Variants in KLF13 observed in about 807,000 individuals in gnomAD.
The protein encoded by KLF13 is KLF transcription factor 13, also known as Krueppel-like factor 13.
A neutral mutation model predicts 16.7 loss-of-function variants in KLF13; 8 were observed. That is an observed-to-expected ratio of 0.48 (90% CI 0.28 to 0.87). KLF13 has a LOEUF of 0.87. Ranked by LOEUF, KLF13 falls within the 40% of genes least tolerant of loss-of-function variation. KLF13 has a pLI of 0.10. For synonymous variants in KLF13, 245 were observed against 208.4 expected (o/e 1.18, Z -1.51); for missense variants, 447 against 452.2 (o/e 0.99, Z 0.10).
Position 31,327,356 on chromosome 15 carries a change from C to A in KLF13, c.144C>A (p.Arg48=), listed in dbSNP as rs765982303. 6 of 1,275,286 alleles carry A rather than the reference C, an allele frequency of 4.7e-6. No individual in the cohort carries two copies. In the South Asian group the frequency reaches 1.1e-4, roughly 24 times the overall value. 79.0% of individuals were successfully genotyped at this position (1,275,286 alleles called of 1,614,324 possible). ...TGGCCGCCACCCCCACGCTGCCCCG[C>A]GTCGAGGAGCGCCGCGACGGTAAGG... ...AAVAATPTLP[R]VEERRDGKDS... is the part of the protein sequence containing the mutation. Residue 48 remains arginine, a synonymous_variant, in exon 1 of 2, where the codon CGC becomes CGA. Coordinates refer to ENST00000307145, the MANE Select transcript of KLF13 (RefSeq NM_015995.4).
chr15:31,360,155 G>T (rs762853822), intron 1 of KLF13, among the ~76,000 whole-genome samples: 1 of 152,230 alleles, frequency 6.6e-6, no homozygotes, highest in African/African-American at 2.4e-5. Context: ...TTCCCGGCTG[G>T]TGTCCCTGGG....
Position 31,327,342 on chromosome 15 carries a change from C to T in KLF13, c.130C>T (p.Pro44Ser). Reference sequence around the variant, plus strand: ...CGAGGGCGCGGCCGTGGCCGCCACCCCCACGCTGCCCCGCGTCGAGGAGCG... The same window carrying T: ...CGAGGGCGCGGCCGTGGCCGCCACCTCCACGCTGCCCCGCGTCGAGGAGCG... ...RPEGAAVAAT[P>S]TLPRVEERRD... The change falls in exon 1 of 2, where the codon CCC (proline) becomes TCC (serine). Residue 44 changes from proline (P) to serine (S), a missense_variant. Transcript: ENST00000307145. 7.8e-7 allele frequency: 1 copy of T among 1,276,346 alleles called. No individual in the cohort carries two copies. The highest frequency in any genetic ancestry group is 2.4e-5 in the South Asian group (1 of 41,966). The allele number at this position is 1,276,346 out of a possible 1,614,324, so 79.1% of individuals were successfully genotyped here. A position where few individuals can be genotyped will look rare whatever the true frequency, so the allele number is the denominator to read the frequency against.
intron 1 of KLF13, among the ~76,000 whole-genome samples, chr15:31,424,934 G>A (rs1254034923): frequency 7.1e-6 from 1 of 140,918 alleles, no homozygotes; most frequent in Non-Finnish European, 1.5e-5. Flanking sequence ...AACAAATTTA[G>A]CAAAGTTGCA....
chr15:31,371,978 C>T lies in KLF13; in HGVS notation c.578-32C>T, dbSNP rs769637284. 4.2e-5 allele frequency: 66 copies of T among 1,564,394 alleles called. 1 individual carries two copies. Among genetic ancestry groups the T allele is most frequent in the South Asian group, 9.3e-5 (8 of 85,840 alleles). ...GAGGGTGTGAAGGCGGGGCCAGGTG[C>T]GGATACTGATGCTCTGCCCCTGTGC... On this transcript the variant is annotated intron_variant, in intron 1 of 1. Coordinates refer to ENST00000307145, the MANE Select transcript of KLF13 (RefSeq NM_015995.4).
intron 1 of KLF13, among the ~76,000 whole-genome samples, chr15:31,335,203 C>G (rs556425961): frequency 5.3e-5 from 8 of 152,198 alleles, no homozygotes; most frequent in South Asian, 2.1e-4. Context: ...ATCTTAGGTC[C>G]GTCTTCATCC....
At chr15:31,421,537 T>C (rs2040323534) in intron 1 of KLF13, among the ~76,000 whole-genome samples, 1 of 152,182 alleles carries the variant, frequency 6.6e-6, no homozygotes, top group Non-Finnish European at 1.5e-5. Flanking sequence ...AAATTTTTTA[T>C]GTAATTGATA....
chr15:31,352,117 T>G (rs563034788), intron 1 of KLF13, among the ~76,000 whole-genome samples: 16 of 152,204 alleles, frequency 1.1e-4, no homozygotes, highest in African/African-American at 3.6e-4. Context: ...TGAACAAAAG[T>G]CACTGTTGGA....
intron 1 of KLF13, chr15:31,420,469 C>A: frequency 1.3e-6 from 1 of 769,606 alleles, no homozygotes; most frequent in Non-Finnish European, 2.3e-6. Flanking sequence ...GTAACATATG[C>A]CTGGATATCT....
chr15:31,428,065 A>G (rs989598988), intron 1 of KLF13, among the ~76,000 whole-genome samples: 8 of 152,230 alleles, frequency 5.3e-5, no homozygotes, highest in African/African-American at 1.9e-4. Context: ...TTATACTACA[A>G]CATCCATGAA....
intron 1 of KLF13, among the ~76,000 whole-genome samples, chr15:31,358,714 G>C (rs2039337569): frequency 6.6e-6 from 1 of 152,188 alleles, no homozygotes. Context: ...TGTAATTGTG[G>C]ATTCCAACCT....
Position 31,327,485 on chromosome 15 carries a change from G to A in KLF13, c.273G>A (p.Lys91=), listed in dbSNP as rs1283050890. 6.7e-6 allele frequency: 8 copies of A among 1,197,272 alleles called. No homozygotes were observed. Among genetic ancestry groups the A allele is most frequent in the Admixed American group, 4.6e-5 (1 of 21,782 alleles). 74.2% of individuals were successfully genotyped at this position (1,197,272 alleles called of 1,614,324 possible). Residue 91 remains lysine, a synonymous_variant, in exon 1 of 2, where the codon AAG becomes AAA. Transcript: ENST00000307145. The stretch of plus-strand genomic sequence containing the variant: ...GCAGGGAGGGCGCCGCGGCCCGGAA[G>A]GCGAGGACCCCCTGCCGCCTGCCGC... The part of the protein sequence containing the change: ...AERREGAAAR[K]ARTPCRLPPP...
intron 1 of KLF13, among the ~76,000 whole-genome samples, chr15:31,354,066 G>A (rs12592176): frequency 0.42 from 64,539 of 152,132 alleles, 14,627 homozygotes; most frequent in East Asian, 0.56. Context: ...GCGTCAGTGT[G>A]GAGGCCTCAG....
chr15:31,364,076 C>T (rs1476780126), intron 1 of KLF13, among the ~76,000 whole-genome samples: 2 of 140,794 alleles, frequency 1.4e-5, no homozygotes, highest in Middle Eastern at 3.2e-3. Flanking sequence ...TGCTGGGCTT[C>T]ACTGGCCAGT....
At chr15:31,358,054 C>T (rs571491721) in intron 1 of KLF13, among the ~76,000 whole-genome samples, 3 of 152,254 alleles carry the variant, frequency 2.0e-5, no homozygotes, top group East Asian at 1.9e-4. Context: ...TGGTCCAGTG[C>T]AGGAGGCGTG....
downstream of KLF13, among the ~76,000 whole-genome samples, chr15:31,406,108 T>C (rs2040125777): frequency 6.6e-6 from 1 of 152,058 alleles, no homozygotes; most frequent in Non-Finnish European, 1.5e-5. Flanking sequence ...CTTCCCAGAC[T>C]GTAGGGCAAG....
intron 1 of KLF13, among the ~76,000 whole-genome samples, chr15:31,343,715 T>G (rs577599004): frequency 5.3e-5 from 8 of 152,338 alleles, no homozygotes. Context: ...GCTGGCCAGC[T>G]CTGGCTTTCC....
rs778732073 is a variant in KLF13 at position 31,372,226 on chromosome 15, G to T, written c.794G>T (p.Arg265Leu). The T allele has an allele frequency of 2.5e-6, 4 of 1,593,194 alleles. No individual in the cohort carries two copies. The highest frequency in any genetic ancestry group is 2.6e-6 in the Non-Finnish European group (3 of 1,174,100). Reference protein sequence around the residue: ...GMLQRRGGGSRTGSLSDYSRS... With the variant: ...GMLQRRGGGSLTGSLSDYSRS... The stretch of plus-strand genomic sequence containing the variant: ...CTGCAGCGGCGCGGCGGGGGCTCGC[G>T]GACCGGCTCCCTCAGCGACTACAGC... The change falls in exon 2 of 2, where the codon CGG (arginine) becomes CTG (leucine). Residue 265 changes from arginine (R) to leucine (L), a missense_variant. By Grantham distance (102) the Arg-to-Leu change is moderately radical. Around this residue, in one of 2 missense-constraint regions of KLF13, gnomAD observed 88 missense variants for 169.5 expected, o/e 0.52. Transcript: ENST00000307145.
chr15:31,358,416 A>G (rs2039333409), intron 1 of KLF13, among the ~76,000 whole-genome samples: 1 of 152,242 alleles, frequency 6.6e-6, no homozygotes, highest in African/African-American at 2.4e-5. Context: ...ACCAGCATTT[A>G]GTATTGTCAG....
intron 1 of KLF13, among the ~76,000 whole-genome samples, chr15:31,335,369 A>G (rs1686664373): frequency 6.7e-6 from 1 of 150,232 alleles, no homozygotes; most frequent in Non-Finnish European, 1.5e-5. Flanking sequence ...ACACTGCTTC[A>G]GTTCCCCTCC....
Sources: allele counts gnomAD v4.1 joint callset (sites outside exome capture counted in the v4.1 genomes callset), GRCh38; gene constraint gnomAD v4.1.1; regional missense constraint gnomAD v4.1.1; transcripts MANE v1.5; gene names NCBI Gene and HGNC (gene_info 2026-07-23, HGNC 2026-07-21).